The following ERCC8 variants were observed in gnomAD, a reference collection of about 807,000 sequenced individuals.
ERCC8 encodes ERCC excision repair 8, CSA ubiquitin ligase complex subunit.
ERCC8 carries 52 observed loss-of-function variants against 54.9 expected under a neutral mutation model. That is an observed-to-expected ratio of 0.95 (90% CI 0.76 to 1.19). ERCC8 has a LOEUF of 1.19. Ranked by LOEUF, ERCC8 falls within the 50% of genes most tolerant of loss-of-function variation. ERCC8 has a pLI of 0.00. For synonymous variants in ERCC8, 146 were observed against 157.2 expected (o/e 0.93, Z 0.53); for missense variants, 514 against 466.1 (o/e 1.10, Z -0.95).
At chr5:60,904,626 GTGTGTGTGTA>G (rs1749000703) in intron 5 of ERCC8, among the ~76,000 whole-genome samples, 156 bp downstream of exon 5, 3 of 24,720 alleles carry the variant, frequency 1.2e-4, no homozygotes, top group Non-Finnish European at 2.0e-4. Flanking sequence ...TATATAGTGT[GTGTGTGTGTA>G]TATATATATA....
chr5:60,917,110 C>T (rs1294407379), intron 4 of ERCC8, among the ~76,000 whole-genome samples: 2 of 151,998 alleles, frequency 1.3e-5, no homozygotes, highest in East Asian at 3.8e-4. Context: ...TAGTCTGACA[C>T]TTTAATTTTA....
intron 1 of ERCC8, among the ~76,000 whole-genome samples, chr5:60,934,213 G>C (rs576969237): frequency 2.0e-5 from 3 of 152,258 alleles, no homozygotes; most frequent in African/African-American, 7.2e-5. Context: ...CAGTGGAAAA[G>C]TGTTCCCTTT....
chr5:60,876,789 T>C (rs557748192), intron 11 of ERCC8, among the ~76,000 whole-genome samples: 1 of 152,278 alleles, frequency 6.6e-6, no homozygotes, highest in South Asian at 2.1e-4. Flanking sequence ...AGCCCTTTGT[T>C]AGATGAGTAG....
At chr5:60,922,540 A>G (rs954535702) in intron 2 of ERCC8, among the ~76,000 whole-genome samples, 5 of 152,080 alleles carry the variant, frequency 3.3e-5, no homozygotes, top group Admixed American at 3.3e-4. Flanking sequence ...GACACTTGCT[A>G]TTTGGCTCTG....
At chr5:60,879,074 G>T (rs1159383500) in intron 11 of ERCC8, among the ~76,000 whole-genome samples, 1 of 151,944 alleles carries the variant, frequency 6.6e-6, no homozygotes, top group East Asian at 1.9e-4. Context: ...TTGTGTCTTT[G>T]GTCTCGTTGG....
At chr5:60,878,398 G>A (rs1207884690) in intron 11 of ERCC8, among the ~76,000 whole-genome samples, 1 of 152,178 alleles carries the variant, frequency 6.6e-6, no homozygotes, top group Non-Finnish European at 1.5e-5. Flanking sequence ...AATGAGTTAG[G>A]GAGGATTCCC....
intron 4 of ERCC8, among the ~76,000 whole-genome samples, chr5:60,911,687 C>A (rs932335932): frequency 1.3e-5 from 2 of 152,022 alleles, no homozygotes; most frequent in East Asian, 1.9e-4. Context: ...CTGAATGGTA[C>A]TGCCTAGGTT....
chr5:60,889,446 C>T (rs1230058424), intron 10 of ERCC8, among the ~76,000 whole-genome samples: 1 of 152,184 alleles, frequency 6.6e-6, no homozygotes. Flanking sequence ...GCTGGGACTA[C>T]AGGCATATAC....
intron 4 of ERCC8, among the ~76,000 whole-genome samples, chr5:60,906,372 G>T (rs1370895989): frequency 6.6e-6 from 1 of 151,846 alleles, no homozygotes; most frequent in Non-Finnish European, 1.5e-5. Flanking sequence ...CCTCCTCCTA[G>T]TCTGGTGGTC....
chr5:60,930,335 GA>G (rs1369458470), intron 1 of ERCC8, among the ~76,000 whole-genome samples: 1 of 152,142 alleles, frequency 6.6e-6, no homozygotes, highest in Non-Finnish European at 1.5e-5. Context: ...GGAGGCCGAG[GA>G]TCACAAGGTT....
intron 4 of ERCC8, among the ~76,000 whole-genome samples, chr5:60,914,687 G>T (rs1749374862): frequency 6.6e-6 from 1 of 150,896 alleles, no homozygotes. Flanking sequence ...CTACTTTGGA[G>T]CCTGAGCTGA....
chr5:60,915,598 T>C (rs976581), intron 4 of ERCC8, among the ~76,000 whole-genome samples: 96,393 of 151,694 alleles, frequency 0.64, 31,110 homozygotes, highest in East Asian at 0.94. Context: ...CAGGCTGCAT[T>C]CCTTTTTGGA....
chr5:60,919,851 C>T (rs905077613), intron 3 of ERCC8, among the ~76,000 whole-genome samples: 3 of 151,844 alleles, frequency 2.0e-5, no homozygotes, highest in Admixed American at 6.6e-5. Context: ...TAGGCTGGAA[C>T]ATTTTTTTAA....
At chr5:60,885,176 C>G (rs936599782) in intron 11 of ERCC8, among the ~76,000 whole-genome samples, 1 of 151,884 alleles carries the variant, frequency 6.6e-6, no homozygotes, top group Non-Finnish European at 1.5e-5. Context: ...CCAAACCTGG[C>G]TAATTTTGTC....
chr5:60,874,305 C>T lies in ERCC8; in HGVS notation c.*310G>A, dbSNP rs1015565700. The T allele has an allele frequency of 4.0e-5, 11 of 274,700 alleles. No homozygotes were observed. The highest frequency in any genetic ancestry group is 7.5e-5 in the Non-Finnish European group (11 of 146,940). The allele number at this position is 274,700 out of a possible 1,614,324, so 17.0% of individuals were successfully genotyped here. The stretch of plus-strand genomic sequence containing the variant: ...TCCACTTGCTGATCCTCTGAGACTG[C>T]ATCTTATAGTTCATAAAATCTGCTG... On this transcript the variant is annotated 3_prime_UTR_variant, in exon 12 of 12. Transcript: ENST00000676185.
At chr5:60,931,303 T>A (rs570566196) in intron 1 of ERCC8, among the ~76,000 whole-genome samples, 31 of 151,350 alleles carry the variant, frequency 2.0e-4, no homozygotes, top group African/African-American at 7.2e-4. Flanking sequence ...TAACATTAAA[T>A]TTTTTTTTAA....
intron 4 of ERCC8, among the ~76,000 whole-genome samples, chr5:60,908,584 T>TATATATA (rs374684914): frequency 6.4e-5 from 7 of 109,588 alleles, no homozygotes; most frequent in African/African-American, 2.2e-4. Context: ...TATATATATA[T>TATATATA]TTTTTTTTTA....
chr5:60,909,827 G>T (rs1186473892), intron 4 of ERCC8: 1 of 152,058 alleles, frequency 6.6e-6, no homozygotes, highest in Admixed American at 6.6e-5. Context: ...GGTGACACAC[G>T]CCTGTAGTCC....
At chr5:60,895,621 A>G (rs1225352533) in intron 9 of ERCC8, among the ~76,000 whole-genome samples, 1 of 152,220 alleles carries the variant, frequency 6.6e-6, no homozygotes, top group Admixed American at 6.5e-5. Context: ...ATTCCTATAC[A>G]TGTTTAAAAA....
Sources: gnomAD v4.1 joint callset for allele counts (sites outside exome capture counted in the v4.1 genomes callset) on GRCh38, gnomAD v4.1.1 for gene constraint, MANE v1.5 for transcripts, NCBI Gene and HGNC (gene_info 2026-07-23, HGNC 2026-07-21) for gene names.